Variants in FAM13B observed in about 807,000 individuals in gnomAD.
FAM13B encodes the protein family with sequence similarity 13 member B, also known as protein FAM13B.
In FAM13B, 60 loss-of-function variants were observed where a neutral mutation model predicts 117.3. The ratio of observed to expected loss-of-function variants is 0.51; its 90% confidence interval spans 0.42 to 0.63. The LOEUF (loss-of-function observed/expected upper bound fraction) is 0.63, where lower values mean the gene tolerates loss of function less well. Among genes scored for constraint, FAM13B ranks in the 30% least tolerant of loss-of-function variants. The pLI is 0.00. For synonymous variants in FAM13B, 332 were observed against 356.1 expected (o/e 0.93, Z 0.76); for missense variants, 972 against 1,091.9 (o/e 0.89, Z 1.55).
intron 22 of FAM13B, 117 bp from the exon 23 acceptor site, chr5:137,942,162 C>T (rs1762045785): frequency 1.3e-6 from 1 of 742,658 alleles, no homozygotes; most frequent in Non-Finnish European, 2.2e-6. Flanking sequence ...TCTACCAATG[C>T]CTAAGCTCCA....
intron 13 of FAM13B, 111 bp downstream of exon 13, chr5:137,959,505 G>A: frequency 9.0e-7 from 1 of 1,108,418 alleles, no homozygotes; most frequent in Non-Finnish European, 1.3e-6. Context: ...GAGAACAGAA[G>A]ATCAAGATGA....
intron 1 of FAM13B, among the ~76,000 whole-genome samples, chr5:138,030,884 T>G (rs958563349): frequency 1.3e-5 from 2 of 151,680 alleles, no homozygotes; most frequent in African/African-American, 4.8e-5. Flanking sequence ...AATACAAAAA[T>G]TAGTCAGGCG....
rs972395312 is a variant in FAM13B, at chr5:137,938,887, G to A, written c.*1338C>T. The A allele has an allele frequency of 1.3e-5, 2 of 152,070 alleles. No homozygotes were observed. Among genetic ancestry groups the A allele is most frequent in the Non-Finnish European group, 2.9e-5 (2 of 68,016 alleles). The allele number at this position is 152,070 out of a possible 1,614,324, so 9.4% of individuals were successfully genotyped here. ...TCATTGCATGCAAAACATGGGTATA[G>A]TCAAAGTGAGACAGTCATCAATCCA... On this transcript the variant is annotated 3_prime_UTR_variant, in exon 24 of 24. Transcript: ENST00000689681.
upstream of FAM13B, among the ~76,000 whole-genome samples, chr5:138,038,070 A>C (rs1791326720): frequency 1.3e-5 from 2 of 152,214 alleles, no homozygotes; most frequent in African/African-American, 4.8e-5. Context: ...AGGCCTAGAG[A>C]ACAACCTGAA....
intron 1 of FAM13B, among the ~76,000 whole-genome samples, chr5:138,041,275 A>G (rs1791493728): frequency 6.6e-6 from 1 of 152,210 alleles, no homozygotes; most frequent in Non-Finnish European, 1.5e-5. Context: ...TGTTTGCTGT[A>G]AATCTAAACA....
intron 2 of FAM13B, 65 bp from the exon 3 acceptor site, chr5:138,019,211 A>C: frequency 7.0e-7 from 1 of 1,422,690 alleles, no homozygotes; most frequent in East Asian, 2.3e-5. Context: ...GACTAGATAC[A>C]TTAAAGAAAA....
chr5:138,029,250 A>G (rs562344603), intron 1 of FAM13B, among the ~76,000 whole-genome samples: 1 of 152,346 alleles, frequency 6.6e-6, no homozygotes, highest in East Asian at 1.9e-4. Context: ...TTACTGAATT[A>G]GCAACTAGAA....
intron 1 of FAM13B, among the ~76,000 whole-genome samples, chr5:138,047,028 G>A (rs1315650065): frequency 6.6e-6 from 1 of 152,074 alleles, no homozygotes; most frequent in African/African-American, 2.4e-5. Flanking sequence ...ACAGGCGTGA[G>A]CCACCGTGCC....
chr5:137,942,119 C>A, intron 22 of FAM13B, 74 bp from the exon 23 acceptor site: 1 of 1,292,454 alleles, frequency 7.7e-7, no homozygotes, highest in East Asian at 2.4e-5. Context: ...CTATTTCTGG[C>A]TGCAAATTAA....
intron 11 of FAM13B, 21 bp downstream of exon 11, chr5:137,962,384 G>C (rs548351932): frequency 6.2e-7 from 1 of 1,608,514 alleles, no homozygotes; most frequent in South Asian, 1.1e-5. Flanking sequence ...TGATTAATTA[G>C]CAACAAGAAA....
At chr5:138,032,337 A>T (rs996258679) in intron 1 of FAM13B, among the ~76,000 whole-genome samples, 3 of 152,250 alleles carry the variant, frequency 2.0e-5, no homozygotes, top group Admixed American at 6.5e-5. Flanking sequence ...GACCTTAAAA[A>T]GGGGCGCAGT....
At chr5:138,007,920 C>A (rs773398556) in intron 6 of FAM13B, among the ~76,000 whole-genome samples, 2 of 152,212 alleles carry the variant, frequency 1.3e-5, no homozygotes, top group Non-Finnish European at 2.9e-5. Flanking sequence ...TCATTAAAGA[C>A]TCTGAGCAAT....
chr5:137,943,344 T>C, intron 20 of FAM13B, 128 bp from the exon 21 acceptor site: 1 of 690,894 alleles, frequency 1.4e-6, no homozygotes, highest in Non-Finnish European at 2.4e-6. Flanking sequence ...TTTAAATCTT[T>C]TTAGGAATTG....
chr5:137,990,831 T>C (rs1165861301), intron 7 of FAM13B, among the ~76,000 whole-genome samples: 1 of 152,056 alleles, frequency 6.6e-6, no homozygotes, highest in African/African-American at 2.4e-5. Context: ...AATTTATATA[T>C]ATTTCTGCTG....
intron 10 of FAM13B, among the ~76,000 whole-genome samples, chr5:137,984,959 T>C (rs1011822578): frequency 1.3e-5 from 2 of 151,730 alleles, no homozygotes; most frequent in Non-Finnish European, 2.9e-5. Flanking sequence ...TTAGTAGAGA[T>C]GGGGGTTCAC....
At chr5:137,960,911 T>C in intron 11 of FAM13B, among the ~76,000 whole-genome samples, 1 of 152,206 alleles carries the variant, frequency 6.6e-6, no homozygotes, top group Non-Finnish European at 1.5e-5. Context: ...ATATGCCTAC[T>C]GGGGGAAAGT....
At chr5:137,970,631 G>A (rs1771796460) in intron 10 of FAM13B, among the ~76,000 whole-genome samples, 1 of 152,062 alleles carries the variant, frequency 6.6e-6, no homozygotes, top group African/African-American at 2.4e-5. Context: ...AAATGTAAAT[G>A]GGCTAAATGC....
rs1774425600 is a variant in FAM13B at position 137,977,712 on chromosome 5, T to G, written c.1179+7545A>C. Among the ~76,000 whole-genome samples, 5 of 152,346 alleles carry G rather than the reference T, an allele frequency of 3.3e-5. No homozygotes were observed. The South Asian group carries it at 1.0e-3, about 32-fold the overall frequency. On this transcript the variant is annotated intron_variant, in intron 10 of 23. Transcript: ENST00000689681. ...CCTTTTAATTTCAATGCAAAACTTG[T>G]GCAAAAGGCATTCCACACACTGCAG...
At chr5:138,033,344 T>G (rs1256047327), upstream of FAM13B, among the ~76,000 whole-genome samples, 1 of 152,024 alleles carries the variant, frequency 6.6e-6, no homozygotes, top group African/African-American at 2.4e-5. Flanking sequence ...AGAGGAAAGA[T>G]AAAGGGAAAA....
Sources: allele counts gnomAD v4.1 joint callset (sites outside exome capture counted in the v4.1 genomes callset), GRCh38; gene constraint gnomAD v4.1.1; transcripts MANE v1.5; gene names NCBI Gene and HGNC (gene_info 2026-07-23, HGNC 2026-07-21).